The following HMCN1 variants were observed in gnomAD, a reference collection of about 807,000 sequenced individuals.
HMCN1 encodes hemicentin 1.
In HMCN1, 321 loss-of-function variants were observed where a neutral mutation model predicts 625.9. The ratio of observed to expected loss-of-function variants is 0.51; its 90% CI spans 0.47 to 0.56. The LOEUF is 0.56. Among genes scored for constraint, HMCN1 ranks in the 20% least tolerant of loss-of-function variants. The pLI is 0.00. For synonymous variants in HMCN1, 2,425 were observed against 2,417.6 expected (o/e 1.00, Z -0.09); for missense variants, 6,588 against 6,887.3 (o/e 0.96, Z 1.54).
At chr1:185,842,434 A>T (rs567815498) in intron 1 of HMCN1, among the ~76,000 whole-genome samples, 1 of 152,230 alleles carries the variant, frequency 6.6e-6, no homozygotes, top group South Asian at 2.1e-4. Flanking sequence ...ATGGTGGCTT[A>T]TACCTGTGGT....
intron 68 of HMCN1, 82 bp from the exon 69 acceptor site, chr1:186,103,390 G>A (rs2102444018): frequency 9.2e-7 from 1 of 1,092,222 alleles, no homozygotes; most frequent in South Asian, 1.3e-5. Flanking sequence ...ATGTGAATTT[G>A]TGTTGGATTT....
chr1:186,095,629 A>T (rs1660101020), intron 68 of HMCN1, 108 bp downstream of exon 68: 9 of 1,200,634 alleles, frequency 7.5e-6, no homozygotes, highest in East Asian at 2.5e-5. Context: ...GAATTTTTTA[A>T]AAAATTTTTA....
chr1:186,144,617 G>C lies in HMCN1; in HGVS notation c.14180G>C (p.Cys4727Ser). 6.2e-7 allele frequency: 1 copy of C among 1,614,136 alleles called. No homozygotes were observed. Among genetic ancestry groups the C allele is most frequent in the African/African-American group, 1.3e-5 (1 of 75,042 alleles). ...GGTGCCAGACAGAGAACAAGGGGCT[G>C]CTCCGACCCTGTGCCCCAGTATGGA... ...GGGARQRTRG[C>S]SDPVPQYGGR... The change falls in exon 91 of 107, where the codon TGC becomes TCC. Residue 4727 changes from cysteine (C) to serine (S), a missense_variant. Cys to Ser is a moderately radical substitution (Grantham distance 112). Transcript: ENST00000271588.
intron 1 of HMCN1, among the ~76,000 whole-genome samples, chr1:185,763,372 T>C (rs555807595): frequency 4.6e-5 from 7 of 152,158 alleles, no homozygotes; most frequent in African/African-American, 1.4e-4. Context: ...AAATGAGGAT[T>C]TAGTTGCTGA....
chr1:185,951,751 G>A (rs535643761), intron 11 of HMCN1, among the ~76,000 whole-genome samples: 42 of 151,862 alleles, frequency 2.8e-4, no homozygotes, highest in Non-Finnish European at 4.6e-4. Context: ...CCAGATTTCC[G>A]GCACGTGTAG....
intron 11 of HMCN1, among the ~76,000 whole-genome samples, chr1:185,948,778 A>C (rs1668480604): frequency 6.6e-6 from 1 of 151,154 alleles, no homozygotes; most frequent in South Asian, 2.1e-4. Flanking sequence ...ATAGTGTTGA[A>C]GTGTCGGGGC....
rs142687515 is a variant in HMCN1 at position 186,103,624 on chromosome 1, C to T, written c.10726C>T (p.Gln3576Ter). ...GRPLPQTDQVQTLGGGEVLRI... is the reference protein window; with the variant it reads ...GRPLPQTDQV ...GCCCCTTCCACAGACGGATCAAGTG[C>T]AAACTCTAGGAGGAGGAGAGGTTCT... Residue 3576 changes from glutamine (Q) to a stop codon, truncating the protein, a stop_gained, in exon 69 of 107, where the codon CAA becomes TAA. Coordinates refer to ENST00000271588, the MANE Select transcript of HMCN1 (RefSeq NM_031935.3). LOFTEE classifies it high-confidence loss of function. The T allele has an allele frequency of 4.3e-6, 7 of 1,613,836 alleles. No homozygotes were observed. Among genetic ancestry groups the T allele is most frequent in the Non-Finnish European group, 5.9e-6 (7 of 1,179,800 alleles).
At chr1:186,030,464 T>C (rs1043366029) in intron 36 of HMCN1, among the ~76,000 whole-genome samples, 4 of 152,070 alleles carry the variant, frequency 2.6e-5, no homozygotes, top group African/African-American at 4.8e-5. Context: ...GTAACAGTTT[T>C]TCTTGAAGTC....
At chr1:186,159,835 G>A (rs1233055461) in intron 97 of HMCN1, among the ~76,000 whole-genome samples, 1 of 152,182 alleles carries the variant, frequency 6.6e-6, no homozygotes, top group East Asian at 1.9e-4. Context: ...GTATTTTATT[G>A]AGGATTTTTG....
At position 186,056,259 on chromosome 1, in the gene HMCN1, G is replaced by T. The variant is rs142342789; in HGVS notation, c.7144+585G>T. Reference sequence around the variant, plus strand: ...TCAACTCAGTTAAGACATGCATGAAGCTCAGTGTTAATATCTTGCAGTTTG... The same window carrying T: ...TCAACTCAGTTAAGACATGCATGAATCTCAGTGTTAATATCTTGCAGTTTG... On this transcript the variant is annotated intron_variant, in intron 45 of 106. Coordinates refer to ENST00000271588, the MANE Select transcript of HMCN1 (RefSeq NM_031935.3). 3.6e-3 allele frequency among the ~76,000 whole-genome samples: 541 copies of T among 152,040 alleles called. 4 individuals are homozygous for T. Among genetic ancestry groups the T allele is most frequent in the African/African-American group, 0.012 (513 of 41,516 alleles).
intron 23 of HMCN1, among the ~76,000 whole-genome samples, chr1:185,994,350 G>A (rs542980071): frequency 6.6e-6 from 1 of 152,132 alleles, no homozygotes. Flanking sequence ...AAGATTTCAT[G>A]AGAAACTTTT....
chr1:185,951,484 C>T (rs1477261623), intron 11 of HMCN1, among the ~76,000 whole-genome samples: 1 of 149,898 alleles, frequency 6.7e-6, no homozygotes, highest in East Asian at 1.9e-4. Context: ...GGCTTAACTT[C>T]CACTGTGAGA....
intron 30 of HMCN1, among the ~76,000 whole-genome samples, chr1:186,008,880 C>T (rs1653807369): frequency 6.6e-6 from 1 of 152,038 alleles, no homozygotes; most frequent in South Asian, 2.1e-4. Context: ...TCCAAATCTC[C>T]CTTTTTAAAT....
intron 78 of HMCN1, 48 bp downstream of exon 78, chr1:186,119,346 T>C (rs769571811): frequency 6.8e-6 from 9 of 1,330,452 alleles, no homozygotes; most frequent in Middle Eastern, 1.8e-4. Flanking sequence ...TTTGGGGAGG[T>C]TTTTTAGTCA....
intron 11 of HMCN1, among the ~76,000 whole-genome samples, chr1:185,959,088 G>A (rs966090085): frequency 6.6e-6 from 1 of 152,154 alleles, no homozygotes; most frequent in East Asian, 1.9e-4. Context: ...ATTTGCCCAA[G>A]TACTCTAAAT....
At chr1:185,797,166 C>A (rs1326715872) in intron 1 of HMCN1, among the ~76,000 whole-genome samples, 1 of 152,070 alleles carries the variant, frequency 6.6e-6, no homozygotes, top group Non-Finnish European at 1.5e-5. Context: ...ATGTTCATGT[C>A]CTTTGCTCAT....
chr1:185,865,641 T>G, intron 3 of HMCN1, 100 bp from the exon 4 acceptor site: 1 of 855,808 alleles, frequency 1.2e-6, no homozygotes, highest in South Asian at 1.4e-5. Context: ...ATTCACATAT[T>G]CTACTTGCCC....
intron 1 of HMCN1, among the ~76,000 whole-genome samples, chr1:185,813,556 G>A (rs980192202): frequency 8.5e-5 from 13 of 152,052 alleles, no homozygotes; most frequent in African/African-American, 3.1e-4. Flanking sequence ...ATAATATATG[G>A]ATCTGTCAGT....
chr1:185,908,448 A>T (rs1021543028), intron 4 of HMCN1, among the ~76,000 whole-genome samples: 2 of 152,030 alleles, frequency 1.3e-5, no homozygotes, highest in African/African-American at 2.4e-5. Context: ...AAAGATACGT[A>T]AACCAGAGAA....
Sources: gnomAD v4.1 joint callset for allele counts (sites outside exome capture counted in the v4.1 genomes callset) on GRCh38, gnomAD v4.1.1 for gene constraint, MANE v1.5 for transcripts, NCBI Gene and HGNC (gene_info 2026-07-23, HGNC 2026-07-21) for gene names.